PHIP: variants seen among roughly 807,000 people sequenced by gnomAD.
PHIP encodes PHIP subunit of CUL4-Ring ligase complex.
In PHIP, 54 loss-of-function variants were observed where a neutral mutation model predicts 236.8. That is an observed-to-expected ratio of 0.23 (90% CI 0.18 to 0.29). PHIP has a LOEUF of 0.29. Among genes scored for constraint, PHIP ranks in the 10% least tolerant of loss-of-function variants. PHIP has a pLI of 1.00. For missense variants in PHIP, 1,370 were observed against 2,190.8 expected (o/e 0.63, Z 7.48); for synonymous variants, 756 against 718.9 (o/e 1.05, Z -0.83).
intron 12 of PHIP, 52 bp downstream of exon 12, chr6:79,017,294 T>C: frequency 9.3e-7 from 1 of 1,074,230 alleles, no homozygotes; most frequent in South Asian, 1.6e-5. Context: ...TGACTAAAAT[T>C]GTCTTTATTT....
intron 15 of PHIP, among the ~76,000 whole-genome samples, chr6:79,004,844 A>T (rs114746994): frequency 6.6e-6 from 1 of 152,216 alleles, no homozygotes; most frequent in African/African-American, 2.4e-5. Context: ...ATAAGGATGG[A>T]TGTACAGTTC....
Position 79,078,030 on chromosome 6 carries a change from C to G in PHIP, c.39G>C (p.Ser13=), listed in dbSNP as rs763768778. The change falls in exon 1 of 40, where the codon TCG becomes TCC. Residue 13 remains serine, a splice_region_variant and synonymous_variant. Coordinates refer to ENST00000275034, the MANE Select transcript of PHIP (RefSeq NM_017934.7). The stretch of plus-strand genomic sequence containing the variant: ...GGCCCCGGCAGCCCCCCGACTTACC[C>G]GATCGCAGCTCCGAGAGGCCTTTCC... The part of the protein sequence containing the change: ...CERKGLSELR[S]ELYFLIARFL... 2 of 1,609,164 alleles carry G rather than the reference C, an allele frequency of 1.2e-6. No individual in the cohort carries two copies. Among genetic ancestry groups the G allele is most frequent in the Admixed American group, 1.7e-5 (1 of 59,952 alleles).
In PHIP at chr6:78,998,321, T is replaced by C. The variant is rs1769762603; in HGVS notation, c.1950A>G (p.Leu650=). 6.2e-7 allele frequency: 1 copy of C among 1,613,210 alleles called. No homozygotes were observed. Among genetic ancestry groups the C allele is most frequent in the African/African-American group, 1.3e-5 (1 of 74,908 alleles). ...AACGTCTCAGGTCTTGCTCCTGTTG[T>C]AGTCTTTGAATCATGCTGTCCAGTG... ...ISPLDSMIQR[L]QQEQDLRRSG... Residue 650 remains leucine (L), a synonymous_variant, in exon 18 of 40, where the codon CTA becomes CTG. Transcript: ENST00000275034.
chr6:79,077,989 A>G, intron 1 of PHIP, 40 bp downstream of exon 1: 1 of 1,603,534 alleles, frequency 6.2e-7, no homozygotes, highest in Non-Finnish European at 8.5e-7. Flanking sequence ...CGCGGGCGGA[A>G]TCGCCCGGTG....
intron 16 of PHIP, among the ~76,000 whole-genome samples, chr6:79,002,534 A>T (rs1311560680): frequency 6.6e-6 from 1 of 152,046 alleles, no homozygotes; most frequent in Admixed American, 6.6e-5. Context: ...GACACAAATC[A>T]TCCCTTTGTC....
chr6:79,001,763 G>A (rs1448315291), intron 17 of PHIP, 136 bp downstream of exon 17: 1 of 611,564 alleles, frequency 1.6e-6, no homozygotes, highest in Non-Finnish European at 2.9e-6. Context: ...CATGATCAAA[G>A]ACCTGTATAA....
chr6:79,025,641 A>T, intron 8 of PHIP, 22 bp from the exon 9 acceptor site: 1 of 1,451,746 alleles, frequency 6.9e-7, no homozygotes, highest in Non-Finnish European at 9.6e-7. Flanking sequence ...ATCACAGAAA[A>T]AAAATCTTTA....
intron 15 of PHIP, among the ~76,000 whole-genome samples, chr6:79,012,159 T>A (rs1468668620): frequency 6.6e-6 from 1 of 151,622 alleles, no homozygotes; most frequent in Non-Finnish European, 1.5e-5. Flanking sequence ...CTAAATTATA[T>A]GTTACATGAT....
chr6:78,955,736 C>A, intron 32 of PHIP, 54 bp from the exon 33 acceptor site: 1 of 652,774 alleles, frequency 1.5e-6, no homozygotes, highest in Non-Finnish European at 2.7e-6. Flanking sequence ...TAATTTTTTT[C>A]CTTAAAAATT....
intron 14 of PHIP, 133 bp downstream of exon 14, chr6:79,015,497 A>T: frequency 2.9e-6 from 2 of 687,460 alleles, no homozygotes; most frequent in Non-Finnish European, 4.9e-6. Context: ...AATTATTCCC[A>T]ATCACTCACA....
chr6:79,001,007 T>C (rs967488442), intron 17 of PHIP, among the ~76,000 whole-genome samples: 4 of 152,206 alleles, frequency 2.6e-5, no homozygotes, highest in East Asian at 3.9e-4. Flanking sequence ...ACGTTTGAGG[T>C]TGATTTTTTC....
chr6:78,991,050 G>T, intron 19 of PHIP, 65 bp from the exon 20 acceptor site: 3 of 939,798 alleles, frequency 3.2e-6, no homozygotes, highest in Non-Finnish European at 1.7e-6. Flanking sequence ...CAAAAGGAAT[G>T]TTAGGTATCA....
chr6:79,011,088 T>C (rs1462701889), intron 15 of PHIP, among the ~76,000 whole-genome samples: 4 of 151,880 alleles, frequency 2.6e-5, no homozygotes, highest in African/African-American at 7.2e-5. Context: ...CTTTAGAGTT[T>C]AGAACAACTC....
chr6:79,011,918 C>A (rs561219154), intron 15 of PHIP, among the ~76,000 whole-genome samples: 1 of 151,504 alleles, frequency 6.6e-6, no homozygotes, highest in African/African-American at 2.4e-5. Context: ...ATACTTATTA[C>A]AATGATGACT....
chr6:79,010,236 C>T (rs1770508792), intron 15 of PHIP, among the ~76,000 whole-genome samples: 1 of 151,698 alleles, frequency 6.6e-6, no homozygotes, highest in South Asian at 2.1e-4. Flanking sequence ...CATACAGCTA[C>T]AATTATCTAA....
chr6:79,008,755 A>G (rs775108123), intron 15 of PHIP, among the ~76,000 whole-genome samples: 24 of 152,258 alleles, frequency 1.6e-4, no homozygotes, highest in Admixed American at 6.5e-4. Flanking sequence ...TAAGTAGTCT[A>G]TCTCCAAGTG....
rs965215546 is a variant in PHIP, at chr6:78,939,246, C to T, written c.*1447G>A. On this transcript the variant is annotated 3_prime_UTR_variant, in exon 40 of 40. Coordinates refer to ENST00000275034, the MANE Select transcript of PHIP (RefSeq NM_017934.7). Reference sequence around the variant, plus strand: ...TCCTAAGTCATATAGTTATCATTTACAATAGACAACTTAATTTTACTAATG... The same window carrying T: ...TCCTAAGTCATATAGTTATCATTTATAATAGACAACTTAATTTTACTAATG... 6.6e-6 allele frequency: 1 copy of T among 151,650 alleles called. No individual in the cohort carries two copies. The highest frequency in any genetic ancestry group is 1.5e-5 in the Non-Finnish European group (1 of 67,690). The allele number at this position is 151,650 out of a possible 1,614,324, so 9.4% of individuals were successfully genotyped here. A position where few individuals can be genotyped will look rare whatever the true frequency, so the allele number is the denominator to read the frequency against.
Position 79,078,022 on chromosome 6 carries a change from G to A in PHIP, c.40+7C>T. 3.1e-6 allele frequency: 5 copies of A among 1,593,558 alleles called. No homozygotes were observed. In the East Asian group the frequency reaches 1.2e-4, roughly 37 times the overall value. ...GTGCCAGCGGCCCCGGCAGCCCCCC[G>A]ACTTACCCGATCGCAGCTCCGAGAG... On this transcript the variant is annotated splice_region_variant and intron_variant, in intron 1 of 39. Transcript: ENST00000275034.
intron 4 of PHIP, among the ~76,000 whole-genome samples, chr6:79,075,738 C>T (rs1048912303): frequency 6.6e-6 from 1 of 151,850 alleles, no homozygotes; most frequent in African/African-American, 2.4e-5. Context: ...TGTAACATTA[C>T]CAAAAGATTA....
Sources: allele counts gnomAD v4.1 joint callset (sites outside exome capture counted in the v4.1 genomes callset), GRCh38; gene constraint gnomAD v4.1.1; transcripts MANE v1.5; gene names NCBI Gene and HGNC (gene_info 2026-07-23, HGNC 2026-07-21).